Variants in PYGL observed in about 807,000 individuals in gnomAD.
The protein encoded by PYGL is glycogen phosphorylase, liver form.
A neutral mutation model predicts 100.1 loss-of-function variants in PYGL; 90 were observed. The observed-to-expected ratio is 0.90, with a 90% CI of 0.76 to 1.07. The LOEUF is 1.07. PYGL is among the 50% of genes least tolerant of loss of function. PYGL has a pLI of 0.00. For synonymous variants in PYGL, 373 were observed against 393.0 expected, an observed-to-expected ratio of 0.95 and a Z score of 0.60; for missense variants, 1,016 against 1,057.6, an observed-to-expected ratio of 0.96 and a Z score of 0.55.
chr14:50,912,978 T>A (rs772442283), intron 13 of PYGL, 51 bp downstream of exon 13: 2 of 1,534,524 alleles, frequency 1.3e-6, no homozygotes, highest in South Asian at 2.2e-5. Flanking sequence ...AACTACAGGA[T>A]AAACTCTCAC....
At position 50,920,635 on chromosome 14, in the gene PYGL, T is replaced by TTAGAGAAACAATAAA; in HGVS notation, c.773-27_773-13dup. 6.3e-7 allele frequency: 1 copy of TTAGAGAAACAATAAA among 1,597,078 alleles called. No homozygotes were observed. ...GTCTCCAACATTAACTAGGGGAAAG[T>TTAGAGAAACAATAAA]TAGAGAAACAATAAATAGAGAAACC... On this transcript the variant is annotated splice_polypyrimidine_tract_variant and intron_variant, in intron 6 of 19. Coordinates refer to ENST00000216392, the MANE Select transcript of PYGL (RefSeq NM_002863.5).
At position 50,919,990 on chromosome 14, in the gene PYGL, G is replaced by GT. The variant is rs374308213; in HGVS notation, c.855+550dup. ...TGAGCCATTGCACCTGGCCCCAAGT[G>GT]TTTTTTTTTTTTAACTAAGCTATAT... On this transcript the variant is annotated intron_variant, in intron 7 of 19. Transcript: ENST00000216392. Among the ~76,000 whole-genome samples, 1,206 of 144,144 alleles carry GT rather than the reference G, an allele frequency of 8.4e-3. 10 individuals carry two copies. The highest frequency in any genetic ancestry group is 0.024 in the African/African-American group (939 of 39,514). The allele number at this position is 144,144 out of a possible 152,430, so 94.6% of individuals were successfully genotyped here.
At chr14:50,933,679 G>A (rs373382196) in intron 3 of PYGL, among the ~76,000 whole-genome samples, 1 of 152,054 alleles carries the variant, frequency 6.6e-6, no homozygotes, top group Non-Finnish European at 1.5e-5. Flanking sequence ...CCTACAGGGG[G>A]TCGTAGGGAA....
At chr14:50,914,058 G>A (rs895780929) in intron 12 of PYGL, among the ~76,000 whole-genome samples, 3 of 152,106 alleles carry the variant, frequency 2.0e-5, no homozygotes, top group African/African-American at 7.2e-5. Context: ...GAGTGACCAG[G>A]AACCCAGGTT....
Position 50,908,930 on chromosome 14 carries a change from C to T in PYGL, c.2203G>A (p.Ala735Thr). 1.2e-6 allele frequency: 2 copies of T among 1,606,364 alleles called. No individual in the cohort carries two copies. The highest frequency in any genetic ancestry group is 1.7e-6 in the Non-Finnish European group (2 of 1,173,364). ...ATGACCAGCTTCAGCTCTGGAAGTGCCTCATAGTATTCTTTTGCCTCGTAC... is the reference window on the plus strand; with the variant it reads ...ATGACCAGCTTCAGCTCTGGAAGTGTCTCATAGTATTCTTTTGCCTCGTAC... ...KGYEAKEYYE[A>T]LPELKLVIDQ... is the part of the protein sequence containing the mutation. Residue 735 changes from alanine (A) to threonine (T), a missense_variant, in exon 18 of 20, where the codon GCA becomes ACA. Coordinates refer to ENST00000216392, the MANE Select transcript of PYGL (RefSeq NM_002863.5).
intron 2 of PYGL, among the ~76,000 whole-genome samples, chr14:50,936,881 G>A (rs1292767679): frequency 1.3e-5 from 2 of 152,186 alleles, no homozygotes; most frequent in Non-Finnish European, 2.9e-5. Flanking sequence ...AGGGAGAGAT[G>A]TTATTTTCAG....
In PYGL at chr14:50,911,988, A is replaced by T. The variant is rs563548539; in HGVS notation, c.1817T>A (p.Ile606Asn). The T allele has an allele frequency of 5.0e-6, 8 of 1,613,792 alleles. 1 individual carries two copies. In the South Asian group the frequency reaches 8.8e-5, roughly 18 times the overall value. Residue 606 changes from isoleucine to asparagine, a missense_variant, in exon 15 of 20, where the codon ATT (isoleucine) becomes AAT (asparagine). Physicochemically the swap from Ile to Asn is moderately radical, Grantham distance 149. Transcript: ENST00000216392. ...ATAGATTCAACTTACTTTACCACCA[A>T]TGATAACTGTCCTTGGCACGAATAA... is the stretch of plus-strand genomic sequence containing the variant. ...KKLFVPRTVIIGGKAAPGYHM... is the reference protein window; with the variant it reads ...KKLFVPRTVINGGKAAPGYHM...
chr14:50,919,486 C>G (rs1039926526), intron 7 of PYGL, among the ~76,000 whole-genome samples: 1 of 152,186 alleles, frequency 6.6e-6, no homozygotes, highest in Non-Finnish European at 1.5e-5. Flanking sequence ...CTAGTCCCCC[C>G]AAGATCCTTG....
intron 8 of PYGL, 64 bp downstream of exon 8, chr14:50,916,898 C>CTGAT: frequency 6.3e-7 from 1 of 1,581,370 alleles, no homozygotes; most frequent in Non-Finnish European, 8.7e-7. Context: ...AGGAATTAAT[C>CTGAT]TGATAGGAAA....
rs1326078221 is a variant in PYGL at position 50,944,440 on chromosome 14, G to T, written c.-37C>A. ...CGGGCTGCGCGGCGGGCTGCGCAGA[G>T]AGCTGGAAGTGCGGCCGGAGGCGCT... is the stretch of plus-strand genomic sequence containing the variant. On this transcript the variant is annotated 5_prime_UTR_variant, in exon 1 of 20. Transcript: ENST00000216392. 6.4e-7 allele frequency: 1 copy of T among 1,571,952 alleles called. No individual in the cohort carries two copies.
chr14:50,919,191 A>ATGAATTT (rs2050479325), intron 7 of PYGL, among the ~76,000 whole-genome samples: 1 of 152,208 alleles, frequency 6.6e-6, no homozygotes, highest in South Asian at 2.1e-4. Context: ...CTTACTGAAG[A>ATGAATTT]CAGGAGGATG....
At position 50,943,207 on chromosome 14, in the gene PYGL, C is replaced by T. The variant is rs868327993; in HGVS notation, c.243+954G>A. On this transcript the variant is annotated intron_variant, in intron 1 of 19. Coordinates refer to ENST00000216392, the MANE Select transcript of PYGL (RefSeq NM_002863.5). ...TTCTTTCCAATATGTCTCTACCTGG[C>T]TTCTCCAGTTTCCTCTCCCAATACA... 8.5e-5 allele frequency among the ~76,000 whole-genome samples: 13 copies of T among 152,228 alleles called. No individual in the cohort carries two copies. The South Asian group carries it at 1.0e-3, about 12-fold the overall frequency.
chr14:50,907,578 A>T (rs2050347109), intron 19 of PYGL, among the ~76,000 whole-genome samples: 1 of 151,926 alleles, frequency 6.6e-6, no homozygotes, highest in Non-Finnish European at 1.5e-5. Context: ...GGAGGGAGAG[A>T]CCTCAACTTT....
chr14:50,944,229 T>C lies in PYGL; in HGVS notation c.175A>G (p.Thr59Ala). The part of the protein sequence containing the change: ...TRDYYFALAH[T>A]VRDHLVGRWI... Reference sequence around the variant, plus strand: ...CGCCCCACCAGGTGGTCGCGCACCGTGTGCGCCAGCGCGAAGTAGTAGTCG... The same window carrying C: ...CGCCCCACCAGGTGGTCGCGCACCGCGTGCGCCAGCGCGAAGTAGTAGTCG... Residue 59 changes from threonine (T) to alanine (A), a missense_variant, in exon 1 of 20, where the codon ACG becomes GCG. Transcript: ENST00000216392. The C allele has an allele frequency of 1.2e-6, 2 of 1,613,312 alleles. No homozygotes were observed. Among genetic ancestry groups the C allele is most frequent in the Non-Finnish European group, 1.7e-6 (2 of 1,179,876 alleles).
chr14:50,933,918 T>G (rs1167670870), intron 3 of PYGL, among the ~76,000 whole-genome samples: 1 of 152,224 alleles, frequency 6.6e-6, no homozygotes, highest in Non-Finnish European at 1.5e-5. Flanking sequence ...TAATGCAATT[T>G]GATTTCGCTT....
At chr14:50,929,257 T>TA (rs1399195762) in intron 4 of PYGL, among the ~76,000 whole-genome samples, 2 of 152,148 alleles carry the variant, frequency 1.3e-5, no homozygotes, top group Non-Finnish European at 2.9e-5. Context: ...TTCACCATGT[T>TA]GGCTAGGCTG....
At chr14:50,929,535 G>A (rs2050584769) in intron 4 of PYGL, among the ~76,000 whole-genome samples, 1 of 152,074 alleles carries the variant, frequency 6.6e-6, no homozygotes, top group Non-Finnish European at 1.5e-5. Flanking sequence ...AAAACGTAAG[G>A]GGAAAATATA....
intron 3 of PYGL, among the ~76,000 whole-genome samples, chr14:50,933,305 AG>A (rs1878022315): frequency 6.6e-6 from 1 of 152,236 alleles, no homozygotes; most frequent in Admixed American, 6.5e-5. Flanking sequence ...TTAACTTCAC[AG>A]GAAGGTGGCA....
intron 13 of PYGL, among the ~76,000 whole-genome samples, chr14:50,912,746 G>C (rs1421256705): frequency 6.6e-6 from 1 of 152,170 alleles, no homozygotes; most frequent in Admixed American, 6.5e-5. Flanking sequence ...TTGAGGTCAG[G>C]AGTTCGAGAC....
Sources: allele counts gnomAD v4.1 joint callset (sites outside exome capture counted in the v4.1 genomes callset), GRCh38; gene constraint gnomAD v4.1.1; transcripts MANE v1.5; gene names NCBI Gene and HGNC (gene_info 2026-07-23, HGNC 2026-07-21).